The following CYB5B variants were observed in gnomAD, a reference collection of about 807,000 sequenced individuals.
The protein encoded by CYB5B is cytochrome b5 type B.
CYB5B carries 14 observed loss-of-function variants against 21.3 expected under a neutral mutation model. The ratio of observed to expected loss-of-function variants is 0.66; its 90% CI spans 0.43 to 1.03. The LOEUF (loss-of-function observed/expected upper bound fraction) is 1.03. CYB5B is among the 50% of genes least tolerant of loss of function. The pLI is 0.00. For synonymous variants in CYB5B, 69 were observed against 68.4 expected (o/e 1.01, Z -0.04); for missense variants, 166 against 185.1 (o/e 0.90, Z 0.60).
At chr16:69,441,949 GA>G (rs1367246101) in intron 1 of CYB5B, among the ~76,000 whole-genome samples, 1 of 152,190 alleles carries the variant, frequency 6.6e-6, no homozygotes, top group East Asian at 1.9e-4. Context: ...TAATCTGTCT[GA>G]AAAGAGTTTG....
chr16:69,455,730 A>T (rs2014978158), intron 3 of CYB5B, among the ~76,000 whole-genome samples: 1 of 151,814 alleles, frequency 6.6e-6, no homozygotes, highest in African/African-American at 2.4e-5. Context: ...CATTCTCTTA[A>T]TCTTATCAAA....
intron 1 of CYB5B, among the ~76,000 whole-genome samples, chr16:69,429,067 A>T (rs1302343804): frequency 6.6e-6 from 1 of 152,168 alleles, no homozygotes. Flanking sequence ...TAATGGCGTA[A>T]TAGGATCGTT....
intron 1 of CYB5B, 57 bp downstream of exon 1, chr16:69,424,914 TGTGTGGA>T (rs554375215): frequency 3.2e-5 from 46 of 1,453,916 alleles, no homozygotes; most frequent in Non-Finnish European, 4.1e-5. Context: ...GTGAAAAGGC[TGTGTGGA>T]GTGTATGTGG....
chr16:69,428,493 T>A (rs1368531277), intron 1 of CYB5B, among the ~76,000 whole-genome samples: 1 of 151,896 alleles, frequency 6.6e-6, no homozygotes, highest in African/African-American at 2.4e-5. Flanking sequence ...CCATCTCTAC[T>A]AAAAATACAA....
intron 3 of CYB5B, among the ~76,000 whole-genome samples, chr16:69,457,683 A>T (rs553031662): frequency 6.6e-6 from 1 of 152,334 alleles, no homozygotes; most frequent in East Asian, 1.9e-4. Context: ...ACTAGTTGAA[A>T]TGTCCCAGAT....
intron 1 of CYB5B, among the ~76,000 whole-genome samples, chr16:69,427,323 C>A (rs181406484): frequency 6.6e-6 from 1 of 151,834 alleles, no homozygotes; most frequent in Non-Finnish European, 1.5e-5. Context: ...AGATGGTGAG[C>A]TTGGAGGGAA....
At chr16:69,456,459 C>G (rs2014984654) in intron 3 of CYB5B, among the ~76,000 whole-genome samples, 1 of 152,226 alleles carries the variant, frequency 6.6e-6, no homozygotes, top group Non-Finnish European at 1.5e-5. Context: ...CCAAAACTCA[C>G]AGCAATTTTG....
chr16:69,435,855 T>C (rs1045736579), intron 1 of CYB5B, among the ~76,000 whole-genome samples: 2 of 152,082 alleles, frequency 1.3e-5, no homozygotes, highest in African/African-American at 4.8e-5. Flanking sequence ...GTCAGGCTGG[T>C]CTCAAACTCC....
At chr16:69,452,049 C>A (rs560202308) in intron 3 of CYB5B, among the ~76,000 whole-genome samples, 1 of 151,538 alleles carries the variant, frequency 6.6e-6, no homozygotes, top group East Asian at 1.9e-4. Flanking sequence ...GTTTACTCTT[C>A]CAAAGATTCC....
intron 1 of CYB5B, among the ~76,000 whole-genome samples, chr16:69,434,862 CAAAA>C (rs569014074): frequency 1.7e-5 from 2 of 116,640 alleles, no homozygotes; most frequent in Non-Finnish European, 1.7e-5. Flanking sequence ...GACTTCATCT[CAAAA>C]AAAAAAAAAA....
At chr16:69,437,327 A>G (rs1448393919) in intron 1 of CYB5B, among the ~76,000 whole-genome samples, 1 of 152,222 alleles carries the variant, frequency 6.6e-6, no homozygotes, top group African/African-American at 2.4e-5. Context: ...AGGTTGGAAG[A>G]ATGTTTTTTT....
At position 69,424,723 on chromosome 16, in the gene CYB5B, G is replaced by C. The variant is rs368310381; in HGVS notation, c.40G>C (p.Asp14His). Residue 14 changes from aspartate to histidine, a missense_variant, in exon 1 of 5, where the codon GAT (aspartate) becomes CAT (histidine). Transcript: ENST00000307892. ...GGCGACTGCGGAAGCTAGCGGCAGCGATGGGAAAGGGCAGGAAGTCGAGAC... is the reference window on the plus strand; with the variant it reads ...GGCGACTGCGGAAGCTAGCGGCAGCCATGGGAAAGGGCAGGAAGTCGAGAC... ...SMATAEASGS[D>H]GKGQEVETSV... The C allele has an allele frequency of 4.4e-5, 70 of 1,597,340 alleles. No individual in the cohort carries two copies. Among genetic ancestry groups the C allele is most frequent in the Middle Eastern group, 1.7e-4 (1 of 6,028 alleles).
chr16:69,465,002 T>C lies in CYB5B; in HGVS notation c.*2482T>C, dbSNP rs1375307419. The C allele has an allele frequency of 6.6e-6, 1 of 152,376 alleles. No homozygotes were observed. The highest frequency in any genetic ancestry group is 1.5e-5 in the Non-Finnish European group (1 of 68,030). The allele number at this position is 152,376 out of a possible 1,614,324, so 9.4% of individuals were successfully genotyped here. On this transcript the variant is annotated 3_prime_UTR_variant, in exon 5 of 5. Transcript: ENST00000307892. Reference sequence around the variant, plus strand: ...GCAGAGGTTTTTCTATACAATAAAGTAGTATAGCACACTAGCCAAATCCAT... The same window carrying C: ...GCAGAGGTTTTTCTATACAATAAAGCAGTATAGCACACTAGCCAAATCCAT...
intron 1 of CYB5B, among the ~76,000 whole-genome samples, chr16:69,437,553 G>A (rs1050726588): frequency 6.6e-6 from 1 of 151,976 alleles, no homozygotes; most frequent in Non-Finnish European, 1.5e-5. Flanking sequence ...CACATTTTTA[G>A]TTTATATTAA....
At chr16:69,446,656 G>A (rs2014881364) in intron 1 of CYB5B, among the ~76,000 whole-genome samples, 1 of 152,228 alleles carries the variant, frequency 6.6e-6, no homozygotes, top group Admixed American at 6.5e-5. Flanking sequence ...CAATTTCAAA[G>A]TTACAGAAAA....
intron 3 of CYB5B, chr16:69,450,379 C>G (rs768602005): frequency 2.0e-5 from 3 of 152,112 alleles, no homozygotes; most frequent in Non-Finnish European, 4.4e-5. Context: ...TGACTAAAGG[C>G]AGTGTTTTCA....
intron 3 of CYB5B, among the ~76,000 whole-genome samples, chr16:69,455,524 C>T (rs1006473928): frequency 6.6e-6 from 1 of 151,218 alleles, no homozygotes; most frequent in South Asian, 2.1e-4. Context: ...TCTTCTGCCT[C>T]AGCCTCCTGA....
At chr16:69,426,350 G>C (rs927060642) in intron 1 of CYB5B, among the ~76,000 whole-genome samples, 3 of 148,034 alleles carry the variant, frequency 2.0e-5, no homozygotes, top group African/African-American at 7.5e-5. Flanking sequence ...AGTGAGCCTA[G>C]ATTGCGCCAC....
intron 2 of CYB5B, 94 bp from the exon 3 acceptor site, chr16:69,448,021 A>G: frequency 7.6e-7 from 1 of 1,314,686 alleles, no homozygotes; most frequent in African/African-American, 1.5e-5. Context: ...TATCACCAGA[A>G]TATAGTCTCA....
Sources: allele counts gnomAD v4.1 joint callset (sites outside exome capture counted in the v4.1 genomes callset), GRCh38; gene constraint gnomAD v4.1.1; transcripts MANE v1.5; gene names NCBI Gene and HGNC (gene_info 2026-07-23, HGNC 2026-07-21).